The following MYO1H variants were observed in gnomAD, a reference collection of about 807,000 sequenced individuals.
The protein encoded by MYO1H is myosin IH, also known as unconventional myosin-Ih.
A neutral mutation model predicts 149.3 loss-of-function variants in MYO1H; 118 were observed. The observed-to-expected ratio is 0.79, with a 90% CI of 0.68 to 0.92. MYO1H has a LOEUF of 0.92. MYO1H is among the 40% of genes least tolerant of loss of function. The pLI, the probability that MYO1H is intolerant of heterozygous loss-of-function variation, is 0.00. For synonymous variants in MYO1H, 447 were observed against 465.2 expected (o/e 0.96, Z 0.50); for missense variants, 1,212 against 1,280.7 (o/e 0.95, Z 0.82).
chr12:109,427,888 A>AT (rs1309645223), intron 19 of MYO1H, among the ~76,000 whole-genome samples: 1 of 18,762 alleles, frequency 5.3e-5, no homozygotes, highest in African/African-American at 1.7e-4. Flanking sequence ...CTACAAAAAA[A>AT]AAAAAAAAAA....
intron 1 of MYO1H, among the ~76,000 whole-genome samples, chr12:109,371,022 T>C (rs1868970710): frequency 6.6e-6 from 1 of 152,202 alleles, no homozygotes. Context: ...AGGAATTTGC[T>C]TATTTTATAA....
intron 1 of MYO1H, among the ~76,000 whole-genome samples, chr12:109,382,234 G>T (rs530387736): frequency 6.6e-6 from 1 of 152,154 alleles, no homozygotes; most frequent in South Asian, 2.1e-4. Flanking sequence ...AATCAATCTT[G>T]TATCTGATTG....
At chr12:109,408,885 G>A (rs1425303056) in intron 10 of MYO1H, among the ~76,000 whole-genome samples, 2 of 152,146 alleles carry the variant, frequency 1.3e-5, no homozygotes, top group Admixed American at 6.5e-5. Flanking sequence ...CACCTCTGGG[G>A]TTCAAGCGAT....
the MYO1H span, among the ~76,000 whole-genome samples, chr12:109,314,822 A>G: frequency 1.3e-5 from 2 of 152,194 alleles, no homozygotes; most frequent in Non-Finnish European, 2.9e-5. Flanking sequence ...AGAATAATCA[A>G]GTTGGCTGGG....
At chr12:109,433,151 G>A (rs562880645) in intron 20 of MYO1H, 141 bp downstream of exon 20, 11 of 691,778 alleles carry the variant, frequency 1.6e-5, no homozygotes, top group African/African-American at 8.8e-5. Flanking sequence ...TCATCTACTC[G>A]ATGTAAATGC....
At chr12:109,396,814 G>GTTTTTTTTTTTTTTTTTTTTTTTTTT (rs60551691) in intron 4 of MYO1H, among the ~76,000 whole-genome samples, 2 of 51,086 alleles carry the variant, frequency 3.9e-5, no homozygotes, top group African/African-American at 6.3e-5. Context: ...TTTTGGTTTC[G>GTTTTTTTTTTTTTTTTTTTTTTTTTT]TTTTTTTTTT....
At chr12:109,402,175 G>T (rs1870194853) in intron 6 of MYO1H, among the ~76,000 whole-genome samples, 1 of 152,208 alleles carries the variant, frequency 6.6e-6, no homozygotes, top group African/African-American at 2.4e-5. Flanking sequence ...AAAATTGACT[G>T]TCAGAATATA....
chr12:109,370,910 A>C (rs2137015033), intron 1 of MYO1H, among the ~76,000 whole-genome samples: 1 of 152,348 alleles, frequency 6.6e-6, no homozygotes, highest in South Asian at 2.1e-4. Context: ...GGAATCAAGT[A>C]ATTAGAATCA....
intron 14 of MYO1H, 25 bp downstream of exon 14, chr12:109,412,010 T>C (rs1458624499): frequency 1.5e-5 from 22 of 1,493,648 alleles, no homozygotes; most frequent in Non-Finnish European, 2.0e-5. Flanking sequence ...TTACCAGATT[T>C]TGCATGGGGG....
intron 1 of MYO1H, among the ~76,000 whole-genome samples, chr12:109,379,770 G>T (rs1249990616): frequency 8.9e-6 from 1 of 112,468 alleles, no homozygotes; most frequent in Non-Finnish European, 1.6e-5. Flanking sequence ...GTCTCACTCT[G>T]TCACCAGGCT....
intron 19 of MYO1H, among the ~76,000 whole-genome samples, chr12:109,430,377 A>C (rs1871558448): frequency 6.6e-6 from 1 of 152,180 alleles, no homozygotes; most frequent in African/African-American, 2.4e-5. Context: ...ACCTGCAGGC[A>C]TTTAGGGCCT....
chr12:109,338,100 G>A, the MYO1H span, among the ~76,000 whole-genome samples: 1 of 152,128 alleles, frequency 6.6e-6, no homozygotes, highest in Non-Finnish European at 1.5e-5. Flanking sequence ...AGACGGTCTT[G>A]TTCTGTTGCC....
At chr12:109,410,259 A>T (rs1363500999) in intron 12 of MYO1H, among the ~76,000 whole-genome samples, 191 bp downstream of exon 12, 2 of 152,064 alleles carry the variant, frequency 1.3e-5, no homozygotes, top group African/African-American at 2.4e-5. Context: ...CTCCTGCCTC[A>T]GCCTCCTAAG....
chr12:109,341,229 CAAA>C, the MYO1H span, among the ~76,000 whole-genome samples: 1 of 113,942 alleles, frequency 8.8e-6, no homozygotes. Flanking sequence ...CGTTCCATCT[CAAA>C]AAAAAAAAAA....
At chr12:109,429,076 G>A (rs1005310303) in intron 19 of MYO1H, among the ~76,000 whole-genome samples, 3 of 152,150 alleles carry the variant, frequency 2.0e-5, no homozygotes, top group African/African-American at 7.2e-5. Context: ...GCATAGTGGC[G>A]CATGCCTGTA....
chr12:109,352,012 C>G (rs927949993), intron 1 of MYO1H, among the ~76,000 whole-genome samples: 1 of 152,114 alleles, frequency 6.6e-6, no homozygotes, highest in Non-Finnish European at 1.5e-5. Context: ...ATAAGATATG[C>G]TTTGCTCTCT....
chr12:109,387,027 TGTGTGTGTG>T (rs1306715208), intron 1 of MYO1H, among the ~76,000 whole-genome samples: 53 of 125,526 alleles, frequency 4.2e-4, no homozygotes, highest in African/African-American at 2.1e-3. Flanking sequence ...TGTGTGTGTG[TGTGTGTGTG>T]TGTGTAGTGT....
At chr12:109,333,674 C>T in the MYO1H span, among the ~76,000 whole-genome samples, 2 of 152,070 alleles carry the variant, frequency 1.3e-5, no homozygotes, top group South Asian at 2.1e-4. Flanking sequence ...AACTTAGGAT[C>T]GTCTGACTTT....
At chr12:109,432,831 G>A (rs1454757957) in intron 19 of MYO1H, 66 bp from the exon 20 acceptor site, 10 of 1,365,488 alleles carry the variant, frequency 7.3e-6, no homozygotes, top group East Asian at 4.6e-5. Flanking sequence ...CTCTGGGGCC[G>A]GGGATGTGGG....
Sources: gnomAD v4.1 joint callset for allele counts (sites outside exome capture counted in the v4.1 genomes callset) on GRCh38, gnomAD v4.1.1 for gene constraint, MANE v1.5 for transcripts, NCBI Gene and HGNC (gene_info 2026-07-23, HGNC 2026-07-21) for gene names.